SCG2: variants seen among roughly 807,000 people sequenced by gnomAD.
SCG2 encodes the protein secretogranin-2.
Under a neutral mutation model 49.5 loss-of-function variants are expected in SCG2, and 23 were observed. The ratio of observed to expected loss-of-function variants is 0.46; its 90% CI spans 0.33 to 0.66. SCG2 has a LOEUF of 0.66. Ranked by LOEUF, SCG2 falls within the 30% of genes least tolerant of loss-of-function variation. The pLI, the probability that SCG2 is intolerant of heterozygous loss-of-function variation, is 0.01. For synonymous variants in SCG2, 288 were observed against 260.4 expected, an observed-to-expected ratio of 1.11 and a Z score of -1.02; for missense variants, 730 against 728.2, an observed-to-expected ratio of 1.00 and a Z score of -0.03.
chr2:223,598,043 C>T lies in SCG2; in HGVS notation c.1240G>A (p.Gly414Ser). 6.2e-7 allele frequency: 1 copy of T among 1,609,594 alleles called. No individual in the cohort carries two copies. The highest frequency in any genetic ancestry group is 8.5e-7 in the Non-Finnish European group (1 of 1,177,848). ...LFQNRMLSKS[G>S]YPKTPGRAGT... ...GCACGACCAGGTGTTTTAGGGTAGC[C>T]ACTCTTGGAGAGCATCCTATTTTGG... Residue 414 changes from glycine (G) to serine (S), a missense_variant, in exon 2 of 2, where the codon GGC (glycine) becomes AGC (serine). Transcript: ENST00000305409.
At position 223,599,116 on chromosome 2, in the gene SCG2, A is replaced by G. The variant is rs774025775; in HGVS notation, c.167T>C (p.Ile56Thr). The change falls in exon 2 of 2, where the codon ATC becomes ACC. Residue 56 changes from isoleucine (I) to threonine (T), a missense_variant. Coordinates refer to ENST00000305409, the MANE Select transcript of SCG2 (RefSeq NM_003469.5). ...NVQKFPSPEM[I>T]RALEYIENLR... is the part of the protein sequence containing the mutation. Reference sequence around the variant, plus strand: ...GTTTTCTATGTACTCCAAAGCCCTGATCATTTCAGGACTGGGAAACTTTTG... The same window carrying G: ...GTTTTCTATGTACTCCAAAGCCCTGGTCATTTCAGGACTGGGAAACTTTTG... The G allele has an allele frequency of 2.0e-5, 32 of 1,613,962 alleles. No homozygotes were observed. The highest frequency in any genetic ancestry group is 2.6e-5 in the Non-Finnish European group (31 of 1,180,012).
chr2:223,598,753 T>C lies in SCG2; in HGVS notation c.530A>G (p.Asn177Ser). ...TATTTCATTTGTGCGTTTAAAGGGG[T>C]TATCCCTGGAATTCTCTTCATACAT... ...PPMYEENSRD[N>S]PFKRTNEIVE... Residue 177 changes from asparagine (N) to serine (S), a missense_variant, in exon 2 of 2, where the codon AAC (asparagine) becomes AGC (serine). Coordinates refer to ENST00000305409, the MANE Select transcript of SCG2 (RefSeq NM_003469.5). 6.2e-7 allele frequency: 1 copy of C among 1,613,896 alleles called. No individual in the cohort carries two copies. The highest frequency in any genetic ancestry group is 8.5e-7 in the Non-Finnish European group (1 of 1,180,028).
Position 223,597,511 on chromosome 2 carries a change from A to C in SCG2, c.1772T>G (p.Met591Arg), listed in dbSNP as rs1256455081. The change falls in exon 2 of 2, where the codon ATG becomes AGG. Residue 591 changes from methionine (M) to arginine (R), a missense_variant. By Grantham distance (91) the Met-to-Arg change is moderately conservative (BLOSUM62 -1). Coordinates refer to ENST00000305409, the MANE Select transcript of SCG2 (RefSeq NM_003469.5). ...TTGGTTGAGGTATTCCAGCACTTTC[A>C]TTAACAGATCTTCATCCCAGTACTG... ...NRQYWDEDLL[M>R]KVLEYLNQEK... 1 of 1,614,104 alleles carries C rather than the reference A, an allele frequency of 6.2e-7. No homozygotes were observed. The highest frequency in any genetic ancestry group is 8.5e-7 in the Non-Finnish European group (1 of 1,180,014).
chr2:223,597,905 C>T lies in SCG2; in HGVS notation c.1378G>A (p.Glu460Lys), dbSNP rs1448529596. The T allele has an allele frequency of 1.2e-6, 2 of 1,613,972 alleles. No individual in the cohort carries two copies. The highest frequency in any genetic ancestry group is 1.7e-6 in the Non-Finnish European group (2 of 1,180,026). Residue 460 changes from glutamate to lysine, a missense_variant, in exon 2 of 2, where the codon GAG becomes AAG. Coordinates refer to ENST00000305409, the MANE Select transcript of SCG2 (RefSeq NM_003469.5). ...TAAGGGAGCCTTGGCAGAACTTTCTCCTGGTTATATGGATTGGGAAAATAC... is the reference window on the plus strand; with the variant it reads ...TAAGGGAGCCTTGGCAGAACTTTCTTCTGGTTATATGGATTGGGAAAATAC... ...TSYFPNPYNQ[E>K]KVLPRLPYGA... is the part of the protein sequence containing the mutation.
intron 1 of SCG2, among the ~76,000 whole-genome samples, chr2:223,601,822 C>T (rs1457494124): frequency 1.3e-5 from 2 of 152,096 alleles, no homozygotes; most frequent in Non-Finnish European, 2.9e-5. Flanking sequence ...AACCTAGTTC[C>T]AAAATGGGTT....
In SCG2 at chr2:223,598,296, C is replaced by T. The variant is rs1193957554; in HGVS notation, c.987G>A (p.Gly329=). 5.6e-6 allele frequency: 9 copies of T among 1,614,092 alleles called. No homozygotes were observed. Among genetic ancestry groups the T allele is most frequent in the Non-Finnish European group, 7.6e-6 (9 of 1,180,032 alleles). ...NAAGSGRLQN[G]QNGERATRLF... ...GCCTGGTGGCCCTTTCCCCATTTTG[C>T]CCATTCTGTAACCTCCCACTTCCTG... The change falls in exon 2 of 2, where the codon GGG becomes GGA. Residue 329 remains glycine, a synonymous_variant. Transcript: ENST00000305409.
Position 223,598,029 on chromosome 2 carries a change from T to G in SCG2, c.1254A>C (p.Thr418=). The change falls in exon 2 of 2, where the codon ACA becomes ACC. Residue 418 remains threonine (T), a synonymous_variant. Transcript: ENST00000305409. ...RMLSKSGYPK[T]PGRAGTEALP... ...GGGCCTCAGTCCCAGCACGACCAGG[T>G]GTTTTAGGGTAGCCACTCTTGGAGA... 1 of 1,611,442 alleles carries G rather than the reference T, an allele frequency of 6.2e-7. No homozygotes were observed. Among genetic ancestry groups the G allele is most frequent in the Non-Finnish European group, 8.5e-7 (1 of 1,178,762 alleles).
intron 1 of SCG2, among the ~76,000 whole-genome samples, chr2:223,601,022 T>C (rs1691381954): frequency 6.6e-6 from 1 of 152,174 alleles, no homozygotes; most frequent in Non-Finnish European, 1.5e-5. Flanking sequence ...GAAGCCACAA[T>C]ACTGAAATAG....
rs1440427970 is a variant in SCG2 at position 223,598,176 on chromosome 2, G to A, written c.1107C>T (p.Leu369=). The change falls in exon 2 of 2, where the codon CTC becomes CTT. Residue 369 remains leucine, a synonymous_variant. Transcript: ENST00000305409. ...ATCCATTCGGCTTCTCCCCAGTTTT[G>A]AGCATCTCAATTAAGTCTTCTGGGG... The part of the protein sequence containing the change: ...QIPPEDLIEM[L]KTGEKPNGSV... 6.2e-7 allele frequency: 1 copy of A among 1,613,976 alleles called. No individual in the cohort carries two copies. Among genetic ancestry groups the A allele is most frequent in the Non-Finnish European group, 8.5e-7 (1 of 1,179,970 alleles).
chr2:223,601,794 T>C (rs1691394685), intron 1 of SCG2, among the ~76,000 whole-genome samples: 1 of 152,162 alleles, frequency 6.6e-6, no homozygotes, highest in Non-Finnish European at 1.5e-5. Flanking sequence ...TCTTGTAAGA[T>C]AAATATCAAA....
At chr2:223,601,367 C>A (rs1005830771) in intron 1 of SCG2, among the ~76,000 whole-genome samples, 4 of 152,148 alleles carry the variant, frequency 2.6e-5, no homozygotes, top group African/African-American at 9.7e-5. Flanking sequence ...TAAAATCTCT[C>A]AAGTTAAAAT....
Position 223,597,723 on chromosome 2 carries a change from A to G in SCG2, c.1560T>C (p.Asn520=). ...RMLVKYPEII[N]SNQVKRVPGQ... ...CAGGAACTCGCTTCACTTGGTTTGA[A>G]TTAATGATCTCAGGGTATTTAACTA... The change falls in exon 2 of 2, where the codon AAT becomes AAC. Residue 520 remains asparagine, a synonymous_variant. Transcript: ENST00000305409. 10 of 1,614,126 alleles carry G rather than the reference A, an allele frequency of 6.2e-6. No individual in the cohort carries two copies. The highest frequency in any genetic ancestry group is 1.7e-5 in the Admixed American group (1 of 60,012).
chr2:223,600,571 C>G (rs1196860205), intron 1 of SCG2, among the ~76,000 whole-genome samples: 1 of 151,844 alleles, frequency 6.6e-6, no homozygotes, highest in Non-Finnish European at 1.5e-5. Context: ...ATATCTTTAC[C>G]AGATCATGGT....
At position 223,597,473 on chromosome 2, in the gene SCG2, T is replaced by C; in HGVS notation, c.1810A>G (p.Lys604Glu). Residue 604 changes from lysine to glutamate, a missense_variant, in exon 2 of 2, where the codon AAG (lysine) becomes GAG (glutamate). Coordinates refer to ENST00000305409, the MANE Select transcript of SCG2 (RefSeq NM_003469.5). ...CTCTTAGCAATATGCTCCCTTCCCT[T>C]TTCTGCCTTTTCTTGGTTGAGGTAT... Reference protein sequence around the residue: ...LEYLNQEKAEKGREHIAKRAM... With the variant: ...LEYLNQEKAEEGREHIAKRAM... The C allele has an allele frequency of 6.2e-7, 1 of 1,613,082 alleles. No individual in the cohort carries two copies. The highest frequency in any genetic ancestry group is 1.1e-5 in the South Asian group (1 of 90,878).
Position 223,597,409 on chromosome 2 carries a change from G to C in SCG2, c.*20C>G. The C allele has an allele frequency of 6.4e-7, 1 of 1,564,266 alleles. No individual in the cohort carries two copies. The highest frequency in any genetic ancestry group is 2.2e-5 in the East Asian group (1 of 44,456). ...GCTTGGGGTGGGAGGAATGAAAGTA[G>C]GGTAATTAATGAAAGCAGCTTACAT... On this transcript the variant is annotated 3_prime_UTR_variant, in exon 2 of 2. Coordinates refer to ENST00000305409, the MANE Select transcript of SCG2 (RefSeq NM_003469.5).
At position 223,598,653 on chromosome 2, in the gene SCG2, T is replaced by G; in HGVS notation, c.630A>C (p.Gly210=). 1 of 1,614,080 alleles carries G rather than the reference T, an allele frequency of 6.2e-7. No individual in the cohort carries two copies. Among genetic ancestry groups the G allele is most frequent in the South Asian group, 1.1e-5 (1 of 91,070 alleles). ...SVFQELGKLT[G]PNNQKRERMD... ...TCCTCTCACGTTTCTGGTTGTTTGGTCCTGTCAGTTTCCCCAGCTCTTGGA... is the reference window on the plus strand; with the variant it reads ...TCCTCTCACGTTTCTGGTTGTTTGGGCCTGTCAGTTTCCCCAGCTCTTGGA... The change falls in exon 2 of 2, where the codon GGA becomes GGC. Residue 210 remains glycine (G), a synonymous_variant. Transcript: ENST00000305409.
Position 223,598,595 on chromosome 2 carries a change from C to T in SCG2, c.688G>A (p.Glu230Lys), listed in dbSNP as rs748025438. 1.2e-6 allele frequency: 2 copies of T among 1,614,158 alleles called. No individual in the cohort carries two copies. The highest frequency in any genetic ancestry group is 4.5e-5 in the East Asian group (2 of 44,888). ...TTATTAGCCTTGTAGATATCATCTT[C>T]ATCATCCGTATAAAGTTTTTGCTCC... ...DEEQKLYTDD[E>K]DDIYKANNIA... Residue 230 changes from glutamate to lysine, a missense_variant, in exon 2 of 2, where the codon GAA (glutamate) becomes AAA (lysine). Glu to Lys is a moderately conservative substitution (Grantham distance 56). Coordinates refer to ENST00000305409, the MANE Select transcript of SCG2 (RefSeq NM_003469.5).
chr2:223,601,440 C>CA (rs2106115488), intron 1 of SCG2, among the ~76,000 whole-genome samples: 1 of 152,278 alleles, frequency 6.6e-6, no homozygotes, highest in East Asian at 1.9e-4. Flanking sequence ...GTAATTTAAG[C>CA]AATTCAACTA....
Position 223,597,954 on chromosome 2 carries a change from C to T in SCG2, c.1329G>A (p.Glu443=). The change falls in exon 2 of 2, where the codon GAG becomes GAA. Residue 443 remains glutamate (E), a synonymous_variant. Coordinates refer to ENST00000305409, the MANE Select transcript of SCG2 (RefSeq NM_003469.5). Reference sequence around the variant, plus strand: ...ACGACGTTTTCTGATTTGCTGCACTCTCCATCCCTAAAAGATTTAAAATAT... The same window carrying T: ...ACGACGTTTTCTGATTTGCTGCACTTTCCATCCCTAAAAGATTTAAAATAT... The part of the protein sequence containing the change: ...VEDILNLLGM[E]SAANQKTSYF... 1 of 1,614,134 alleles carries T rather than the reference C, an allele frequency of 6.2e-7. No individual in the cohort carries two copies. The highest frequency in any genetic ancestry group is 8.5e-7 in the Non-Finnish European group (1 of 1,180,030).
Sources: gnomAD v4.1 joint callset for allele counts (sites outside exome capture counted in the v4.1 genomes callset) on GRCh38, gnomAD v4.1.1 for gene constraint, MANE v1.5 for transcripts, NCBI Gene and HGNC (gene_info 2026-07-23, HGNC 2026-07-21) for gene names.